Variants in EIF2AK4 observed in about 807,000 individuals in gnomAD.
EIF2AK4 encodes eukaryotic translation initiation factor 2 alpha kinase 4.
Under a neutral mutation model 211.1 loss-of-function variants are expected in EIF2AK4, and 139 were observed. That is an observed-to-expected ratio of 0.66 (90% CI 0.57 to 0.76). The LOEUF is 0.76. Among genes scored for constraint, EIF2AK4 ranks in the 30% least tolerant of loss-of-function variants. EIF2AK4 has a pLI of 0.00. For missense variants in EIF2AK4, 1,664 were observed against 2,043.8 expected (o/e 0.81, Z 3.58); for synonymous variants, 710 against 751.3 (o/e 0.94, Z 0.90).
chr15:39,972,381 A>T (rs548305357), intron 9 of EIF2AK4, among the ~76,000 whole-genome samples: 31 of 151,476 alleles, frequency 2.0e-4, no homozygotes, highest in South Asian at 6.3e-4. Context: ...ACCAATTTTT[A>T]AAAAAAGTAT....
Position 40,017,509 on chromosome 15 carries a change from A to T in EIF2AK4, c.4065+267A>T, listed in dbSNP as rs1408668987. 1.5e-3 allele frequency among the ~76,000 whole-genome samples: 11 copies of T among 7,132 alleles called. 1 individual carries two copies. Among genetic ancestry groups the T allele is most frequent in the African/African-American group, 5.9e-3 (11 of 1,858 alleles). 4.7% of individuals were successfully genotyped at this position (7,132 alleles called of 152,430 possible). On this transcript the variant is annotated intron_variant, in intron 29 of 38. Coordinates refer to ENST00000263791, the MANE Select transcript of EIF2AK4 (RefSeq NM_001013703.4). ...TACCCTTTACTCTGTTTCTATATAT[A>T]TATATATATATATATATATATATAT...
chr15:40,013,033 A>G (rs2035255227), intron 27 of EIF2AK4, among the ~76,000 whole-genome samples: 1 of 152,216 alleles, frequency 6.6e-6, no homozygotes, highest in Non-Finnish European at 1.5e-5. Context: ...GAGGACCAAA[A>G]TCTGGAGATA....
chr15:39,953,947 TAAAAG>T lies in EIF2AK4; in HGVS notation c.560_564del (p.Lys187ArgfsTer9), dbSNP rs772487425. 6.2e-6 allele frequency: 10 copies of T among 1,608,364 alleles called. No homozygotes were observed. The Middle Eastern group carries it at 6.6e-4, about 106-fold the overall frequency. ...GAGATTCAGAGAAGGAAAGAAGAGA[TAAAAG>T]AAGAGAAAAAAAGGAAAGAAATGGC... On this transcript the variant is annotated frameshift_variant, in exon 5 of 39. Coordinates refer to ENST00000263791, the MANE Select transcript of EIF2AK4 (RefSeq NM_001013703.4). LOFTEE classifies it high-confidence loss of function.
At position 40,034,313 on chromosome 15, in the gene EIF2AK4, A is replaced by AT. The variant is rs757911574; in HGVS notation, c.4774-6dup. On this transcript the variant is annotated splice_polypyrimidine_tract_variant and intron_variant, in intron 37 of 38. Coordinates refer to ENST00000263791, the MANE Select transcript of EIF2AK4 (RefSeq NM_001013703.4). ...AGAGACCTGTTGTTAAGTCTTATCT[A>AT]TTTTTTTCCTAGTGGGATGCTGATG... The AT allele has an allele frequency of 3.1e-6, 5 of 1,610,292 alleles. No homozygotes were observed. Among genetic ancestry groups the AT allele is most frequent in the Admixed American group, 3.4e-5 (2 of 59,700 alleles).
At chr15:39,935,419 G>C (rs919182634) in intron 1 of EIF2AK4, among the ~76,000 whole-genome samples, 1 of 151,390 alleles carries the variant, frequency 6.6e-6, no homozygotes, top group Non-Finnish European at 1.5e-5. Flanking sequence ...GCTCACTGCA[G>C]CTTATTCTCA....
intron 27 of EIF2AK4, 104 bp from the exon 28 acceptor site, chr15:40,016,398 G>A (rs560728192): frequency 1.3e-4 from 178 of 1,338,096 alleles, no homozygotes; most frequent in African/African-American, 3.5e-4. Context: ...AAAGATAATC[G>A]TAGCATCCCA....
chr15:39,972,776 A>C, intron 9 of EIF2AK4, 132 bp from the exon 10 acceptor site: 1 of 669,978 alleles, frequency 1.5e-6, no homozygotes, highest in South Asian at 1.9e-5. Context: ...ATGAGAGTAC[A>C]TTCTGGTCTT....
At chr15:40,031,323 T>C (rs2035540415) in intron 35 of EIF2AK4, among the ~76,000 whole-genome samples, 1 of 151,880 alleles carries the variant, frequency 6.6e-6, no homozygotes, top group South Asian at 2.1e-4. Context: ...TGCAAAAGAG[T>C]GAGTGTTAAA....
At position 39,967,547 on chromosome 15, in the gene EIF2AK4, T is replaced by A; in HGVS notation, c.1221T>A (p.Ala407=). 1 of 1,613,940 alleles carries A rather than the reference T, an allele frequency of 6.2e-7. No individual in the cohort carries two copies. The highest frequency in any genetic ancestry group is 8.5e-7 in the Non-Finnish European group (1 of 1,179,900). ...IPVHQLRRYT[A]QLLSGLDYLH... ...TGCATCAGCTTCGCAGGTACACAGC[T>A]CAGCTCCTGTCAGGCCTTGATTATC... Residue 407 remains alanine, a synonymous_variant, in exon 9 of 39, where the codon GCT becomes GCA. Coordinates refer to ENST00000263791, the MANE Select transcript of EIF2AK4 (RefSeq NM_001013703.4).
chr15:39,980,382 T>G (rs1176912028), intron 13 of EIF2AK4, among the ~76,000 whole-genome samples: 1 of 152,232 alleles, frequency 6.6e-6, no homozygotes, highest in African/African-American at 2.4e-5. Context: ...ATCATCAGAA[T>G]AAATAATTCT....
At chr15:39,970,818 T>C (rs907711894) in intron 9 of EIF2AK4, among the ~76,000 whole-genome samples, 3 of 152,230 alleles carry the variant, frequency 2.0e-5, no homozygotes, top group Non-Finnish European at 4.4e-5. Context: ...GTTTTAATGA[T>C]ATAATTAAAA....
At chr15:40,015,475 G>C (rs970295600) in intron 27 of EIF2AK4, among the ~76,000 whole-genome samples, 1 of 152,124 alleles carries the variant, frequency 6.6e-6, no homozygotes, top group African/African-American at 2.4e-5. Context: ...ATCAGATCTT[G>C]TGAGACTTAT....
chr15:40,013,230 C>A (rs2035258628), intron 27 of EIF2AK4, among the ~76,000 whole-genome samples: 1 of 152,042 alleles, frequency 6.6e-6, no homozygotes, highest in African/African-American at 2.4e-5. Flanking sequence ...ATTACAGTGG[C>A]ACAATCATAG....
intron 23 of EIF2AK4, among the ~76,000 whole-genome samples, chr15:40,003,575 C>T (rs997522997): frequency 2.6e-5 from 4 of 152,110 alleles, no homozygotes; most frequent in Admixed American, 1.3e-4. Context: ...CACATGTGCA[C>T]CCCCCAGTGT....
chr15:39,995,463 C>T (rs935964111), intron 18 of EIF2AK4, among the ~76,000 whole-genome samples: 9 of 152,156 alleles, frequency 5.9e-5, no homozygotes, highest in African/African-American at 9.7e-5. Context: ...GTCTTTTCCT[C>T]GGCAGCTGTG....
In EIF2AK4 at chr15:40,025,988, C is replaced by T. The variant is rs200983505; in HGVS notation, c.4401C>T (p.Phe1467=). 2.0e-5 allele frequency: 33 copies of T among 1,613,874 alleles called. No homozygotes were observed. Among genetic ancestry groups the T allele is most frequent in the Middle Eastern group, 3.3e-4 (2 of 6,062 alleles). The change falls in exon 33 of 39, where the codon TTC becomes TTT. Residue 1467 remains phenylalanine (F), a synonymous_variant. Coordinates refer to ENST00000263791, the MANE Select transcript of EIF2AK4 (RefSeq NM_001013703.4). ...TCATTCTTTTTAAGGTTAAGTCTTT[C>T]GAGAAGGAAAGGCAGACAGAGAAGC... ...KEGSHVKVKS[F]EKERQTEKRV...
At chr15:39,965,945 C>A in intron 8 of EIF2AK4, 102 bp downstream of exon 8, 1 of 1,449,496 alleles carries the variant, frequency 6.9e-7, no homozygotes, top group South Asian at 1.4e-5. Context: ...CAGAGATGGT[C>A]CAGAGCAGTA....
chr15:39,935,259 T>C (rs1168537954), intron 1 of EIF2AK4, among the ~76,000 whole-genome samples: 1 of 152,164 alleles, frequency 6.6e-6, no homozygotes, highest in Non-Finnish European at 1.5e-5. Flanking sequence ...TTTTTCCCCA[T>C]CCTTGAAGAG....
Position 40,016,624 on chromosome 15 carries a change from C to T in EIF2AK4, c.3882C>T (p.Asp1294=). 2 of 1,614,136 alleles carry T rather than the reference C, an allele frequency of 1.2e-6. No homozygotes were observed. Among genetic ancestry groups the T allele is most frequent in the Non-Finnish European group, 1.7e-6 (2 of 1,180,024 alleles). ...AGTTGGTGAAGTATGGCTTAAAAGA[C>T]CTAGAGGAGGTTGTTGGACTGTTGA... ...IAQLVKYGLK[D]LEEVVGLLKK... is the part of the protein sequence containing the mutation. Residue 1294 remains aspartate (D), a synonymous_variant, in exon 28 of 39, where the codon GAC becomes GAT. Transcript: ENST00000263791.
Sources: allele counts gnomAD v4.1 joint callset (sites outside exome capture counted in the v4.1 genomes callset), GRCh38; gene constraint gnomAD v4.1.1; transcripts MANE v1.5; gene names NCBI Gene and HGNC (gene_info 2026-07-23, HGNC 2026-07-21).